The following OBSL1 variants were observed in gnomAD, a reference collection of about 807,000 sequenced individuals.
OBSL1 encodes the protein obscurin-like protein 1.
Under a neutral mutation model 172.0 loss-of-function variants are expected in OBSL1, and 160 were observed. The ratio of observed to expected loss-of-function variants is 0.93; its 90% CI spans 0.82 to 1.06. The LOEUF (loss-of-function observed/expected upper bound fraction) is 1.06, where lower values mean the gene tolerates loss of function less well. Ranked by LOEUF, OBSL1 falls within the 50% of genes least tolerant of loss-of-function variation. The probability of loss-of-function intolerance (pLI) is 0.00; values close to 1 mark genes in which losing one functional copy is unlikely to be tolerated. For synonymous variants in OBSL1, 1,200 were observed against 1,196.3 expected, an observed-to-expected ratio of 1.00 and a Z score of -0.06; for missense variants, 2,681 against 2,715.4, an observed-to-expected ratio of 0.99 and a Z score of 0.28.
chr2:219,559,983 A>G (rs1696345991), intron 8 of OBSL1, among the ~76,000 whole-genome samples: 1 of 152,254 alleles, frequency 6.6e-6, no homozygotes, highest in African/African-American at 2.4e-5. Context: ...GACTTGGAAT[A>G]CAAAACTTAC....
rs1276390530 is a variant in OBSL1 at position 219,552,178 on chromosome 2, C to A, written c.5347G>T (p.Glu1783Ter). Residue 1783 changes from glutamate to a stop codon, truncating the protein, a stop_gained, in exon 19 of 21, where the codon GAG (glutamate) becomes TAG (stop). Transcript: ENST00000404537. LOFTEE classifies it high-confidence loss of function. Reference protein sequence around the residue: ...HILVLSELRAEDAGEVRFQAG... With the variant: ...HILVLSELRA ...TGGAAGCGGACTTCACCGGCGTCCT[C>A]GGCGCGCAGCTCGCTAAGCACCAGA... The A allele has an allele frequency of 1.2e-6, 2 of 1,610,668 alleles. No individual in the cohort carries two copies. Among genetic ancestry groups the A allele is most frequent in the East Asian group, 2.2e-5 (1 of 44,762 alleles).
At position 219,571,189 on chromosome 2, in the gene OBSL1, A is replaced by G. The variant is rs1332209453; in HGVS notation, c.44T>C (p.Leu15Pro). Residue 15 changes from leucine to proline, a missense_variant, in exon 1 of 21, where the codon CTG becomes CCG. By Grantham distance (98) the Leu-to-Pro change is moderately conservative (BLOSUM62 -3). Around this residue, in one of 5 missense-constraint regions of OBSL1, gnomAD observed 90 missense variants for 76.6 expected, o/e 1.18. Transcript: ENST00000404537. ...SGDQGSPPCF[L>P]RFPRPVRVVS... is the part of the protein sequence containing the mutation. ...CACCCGCACAGGCCGCGGGAAGCGC[A>G]GGAAGCACGGGGGGCTCCCCTGATC... 1.4e-6 allele frequency: 2 copies of G among 1,467,646 alleles called. No individual in the cohort carries two copies. Among genetic ancestry groups the G allele is most frequent in the African/African-American group, 1.4e-5 (1 of 69,264 alleles). 90.9% of individuals were successfully genotyped at this position (1,467,646 alleles called of 1,614,324 possible).
At chr2:219,565,611 T>C in intron 5 of OBSL1, 97 bp from the exon 6 acceptor site, 1 of 1,276,142 alleles carries the variant, frequency 7.8e-7, no homozygotes, top group Non-Finnish European at 1.1e-6. Flanking sequence ...TTGGGGTTTT[T>C]AAAAATAGGC....
At chr2:219,570,182 C>T in intron 1 of OBSL1, 39 bp downstream of exon 1, 1 of 1,472,524 alleles carries the variant, frequency 6.8e-7, no homozygotes, top group Non-Finnish European at 9.0e-7. Context: ...CCTCGGAGGA[C>T]ACTCGAGGCC....
At position 219,565,106 on chromosome 2, in the gene OBSL1, C is replaced by T. The variant is rs1696786066; in HGVS notation, c.2407+136G>A. 3 of 891,782 alleles carry T rather than the reference C, an allele frequency of 3.4e-6. No homozygotes were observed. The South Asian group carries it at 5.7e-5, about 17-fold the overall frequency. 55.2% of individuals were successfully genotyped at this position (891,782 alleles called of 1,614,324 possible). Reference sequence around the variant, plus strand: ...AACAAAAAAGCAAGTGCAGAGTTATCTGAAACATGTCCCCTGGGCCACTGG... The same window carrying T: ...AACAAAAAAGCAAGTGCAGAGTTATTTGAAACATGTCCCCTGGGCCACTGG... On this transcript the variant is annotated intron_variant, in intron 6 of 20. Coordinates refer to ENST00000404537, the MANE Select transcript of OBSL1 (RefSeq NM_015311.3).
At position 219,552,654 on chromosome 2, in the gene OBSL1, G is replaced by T; in HGVS notation, c.5190C>A (p.Ala1730=). The T allele has an allele frequency of 1.3e-6, 2 of 1,544,024 alleles. No homozygotes were observed. The highest frequency in any genetic ancestry group is 1.7e-6 in the Non-Finnish European group (2 of 1,148,972). The stretch of plus-strand genomic sequence containing the variant: ...CGAACGTAGCGCCGTCGCCTTCGCG[G>T]GCGCTCACCGACCGCAGCTCGGAGA... The part of the protein sequence containing the change: ...AVLSELRSVS[A]REGDGATFEC... The change falls in exon 18 of 21, where the codon GCC becomes GCA. Residue 1730 remains alanine (A), a synonymous_variant. Coordinates refer to ENST00000404537, the MANE Select transcript of OBSL1 (RefSeq NM_015311.3).
Position 219,556,633 on chromosome 2 carries a change from G to C in OBSL1, c.4157C>G (p.Pro1386Arg), listed in dbSNP as rs1266462653. Residue 1386 changes from proline (P) to arginine (R), a missense_variant, in exon 13 of 21, where the codon CCA becomes CGA. By Grantham distance (103) the Pro-to-Arg change is moderately radical. Around this residue, in one of 5 missense-constraint regions of OBSL1, gnomAD observed 1,765 missense variants for 1,748.3 expected, o/e 1.01. Transcript: ENST00000404537. ...DATFRCEVSP[P>R]DADVTWLRNG... ...GCGCAGCCAGGTGACATCGGCATCT[G>C]GTGGGGAGACTTCACACCGGAACGT... 5.0e-6 allele frequency: 8 copies of C among 1,613,836 alleles called. No individual in the cohort carries two copies. The highest frequency in any genetic ancestry group is 2.2e-5 in the East Asian group (1 of 44,892).
intron 8 of OBSL1, chr2:219,561,901 T>C (rs568365219): frequency 1.4e-6 from 1 of 717,446 alleles, no homozygotes; most frequent in Non-Finnish European, 2.6e-6. Flanking sequence ...GTGCCAGCTG[T>C]TCGTCGCCAT....
chr2:219,556,675 T>G lies in OBSL1; in HGVS notation c.4115A>C (p.His1372Pro), dbSNP rs774082273. ...CCGGAACGTGGCATCATCGCCCTCG[T>G]GGACAGTGAGTGGTGTCAGCTCCGA... is the stretch of plus-strand genomic sequence containing the variant. Reference protein sequence around the residue: ...LVSELTPLTVHEGDDATFRCE... With the variant: ...LVSELTPLTVPEGDDATFRCE... Residue 1372 changes from histidine to proline, a missense_variant, in exon 13 of 21, where the codon CAC (histidine) becomes CCC (proline). By Grantham distance (77) the His-to-Pro change is moderately conservative. Transcript: ENST00000404537. 1.9e-6 allele frequency: 3 copies of G among 1,611,078 alleles called. No homozygotes were observed. The African/African-American group carries it at 4.0e-5, about 22-fold the overall frequency.
chr2:219,547,445 C>A (rs1695411755), downstream of OBSL1: 2 of 1,339,378 alleles, frequency 1.5e-6, no homozygotes, highest in Non-Finnish European at 1.9e-6. Context: ...ACCCCTTGGA[C>A]CTGCTCCCTC....
intron 16 of OBSL1, 105 bp from the exon 17 acceptor site, chr2:219,553,129 C>G: frequency 7.4e-7 from 1 of 1,346,656 alleles, no homozygotes; most frequent in Non-Finnish European, 9.6e-7. Flanking sequence ...GGTCTCGAGG[C>G]GCGTTTATGC....
Position 219,558,054 on chromosome 2 carries a change from G to T in OBSL1, c.3559C>A (p.Pro1187Thr), listed in dbSNP as rs1187307618. The change falls in exon 11 of 21, where the codon CCT (proline) becomes ACT (threonine). Residue 1187 changes from proline to threonine, a missense_variant. Pro to Thr is a conservative substitution (Grantham distance 38). Transcript: ENST00000404537. ...CAGCTCAGCACCACTGGCTCCCCAG[G>T]GGCCACACAGAGCGGGCTTGGAGTT... ...ETTPSPLCVAPGEPVVLSCEL... is the reference protein window; with the variant it reads ...ETTPSPLCVATGEPVVLSCEL... 6.2e-7 allele frequency: 1 copy of T among 1,613,666 alleles called. No individual in the cohort carries two copies. The highest frequency in any genetic ancestry group is 8.5e-7 in the Non-Finnish European group (1 of 1,179,860).
intron 16 of OBSL1, 73 bp from the exon 17 acceptor site, chr2:219,553,097 G>A: frequency 2.1e-6 from 3 of 1,404,452 alleles, no homozygotes; most frequent in Non-Finnish European, 2.8e-6. Context: ...GGCAGGCGGC[G>A]CACCCTTTGT....
In OBSL1 at chr2:219,566,813, T is replaced by A; in HGVS notation, c.2134+17A>T. 6.4e-7 allele frequency: 1 copy of A among 1,553,994 alleles called. No homozygotes were observed. Among genetic ancestry groups the A allele is most frequent in the Non-Finnish European group, 8.7e-7 (1 of 1,145,334 alleles). ...TCTTGACCCTTTCTGCCCACTCAGGTCCCCACTGGCACCAACCTTGGATTG... is the reference window on the plus strand; with the variant it reads ...TCTTGACCCTTTCTGCCCACTCAGGACCCCACTGGCACCAACCTTGGATTG... On this transcript the variant is annotated intron_variant, in intron 5 of 20. Transcript: ENST00000404537.
rs779160122 is a variant in OBSL1, at chr2:219,561,912, G to T, written c.2953+490C>A. ...CTCAGTGCCAGCTGTTCGTCGCCAT[G>T]GGGGGAAGCGGGACCAGAGCCGCCG... On this transcript the variant is annotated intron_variant, in intron 8 of 20. Transcript: ENST00000404537. 8.9e-5 allele frequency: 64 copies of T among 717,504 alleles called. 1 individual carries two copies. Among genetic ancestry groups the T allele is most frequent in the South Asian group, 8.9e-4 (60 of 67,592 alleles). 44.4% of individuals were successfully genotyped at this position (717,504 alleles called of 1,614,324 possible). A position where few individuals can be genotyped will look rare whatever the true frequency, so the allele number is the denominator to read the frequency against.
intron 7 of OBSL1, 185 bp downstream of exon 7, chr2:219,563,170 T>G: frequency 1.6e-6 from 1 of 618,536 alleles, no homozygotes; most frequent in East Asian, 2.8e-5. Context: ...ACCAATGTGC[T>G]TATGATAACA....
chr2:219,571,343 G>C lies in OBSL1; in HGVS notation c.-111C>G. On this transcript the variant is annotated 5_prime_UTR_variant, in exon 1 of 21. Transcript: ENST00000404537. ...CGGGGCGCGGCTGGGGACTGGGCGC[G>C]GGGACCCGCGGAGCTCTCCCGGGCC... is the stretch of plus-strand genomic sequence containing the variant. 2 of 654,024 alleles carry C rather than the reference G, an allele frequency of 3.1e-6. No homozygotes were observed. The highest frequency in any genetic ancestry group is 3.9e-5 in the East Asian group (1 of 25,780). 40.5% of individuals were successfully genotyped at this position (654,024 alleles called of 1,614,324 possible).
downstream of OBSL1, among the ~76,000 whole-genome samples, chr2:219,548,243 T>G (rs572754285): frequency 2.6e-5 from 4 of 152,248 alleles, no homozygotes; most frequent in South Asian, 8.3e-4. Flanking sequence ...GTGCCATCAT[T>G]CATTCCACAA....
Position 219,558,413 on chromosome 2 carries a change from C to T in OBSL1, c.3273G>A (p.Leu1091=), listed in dbSNP as rs1332094075. Residue 1091 remains leucine (L), a synonymous_variant, in exon 10 of 21, where the codon CTG becomes CTA. Transcript: ENST00000404537. ...CCACGCGCCCTGGAGCCCCAAAATG[C>T]AGATCCAGGGAGCGGGCTGCCGGGT... ...IVHPAARSLD[L]HFGAPGRVEL... is the part of the protein sequence containing the mutation. The T allele has an allele frequency of 6.2e-7, 1 of 1,601,672 alleles. No individual in the cohort carries two copies. Among genetic ancestry groups the T allele is most frequent in the South Asian group, 1.1e-5 (1 of 88,926 alleles).
Sources: allele counts gnomAD v4.1 joint callset (sites outside exome capture counted in the v4.1 genomes callset), GRCh38; gene constraint gnomAD v4.1.1; regional missense constraint gnomAD v4.1.1; transcripts MANE v1.5; gene names NCBI Gene and HGNC (gene_info 2026-07-23, HGNC 2026-07-21).